Variants in ANGPT1 observed in about 807,000 individuals in gnomAD.
ANGPT1 encodes angiopoietin-1.
A neutral mutation model predicts 62.2 loss-of-function variants in ANGPT1; 17 were observed. The ratio of observed to expected loss-of-function variants is 0.27; its 90% CI spans 0.19 to 0.41. The LOEUF is 0.41. Ranked by LOEUF, ANGPT1 falls within the 10% of genes least tolerant of loss-of-function variation. The probability of loss-of-function intolerance (pLI) is 1.00; values close to 1 mark genes in which losing one functional copy is unlikely to be tolerated. For synonymous variants in ANGPT1, 199 were observed against 198.9 expected, an observed-to-expected ratio of 1.00 and a Z score of 0.00; for missense variants, 478 against 594.9, an observed-to-expected ratio of 0.80 and a Z score of 2.04.
At chr8:107,287,634 C>T (rs1814174508) in intron 6 of ANGPT1, among the ~76,000 whole-genome samples, 1 of 152,104 alleles carries the variant, frequency 6.6e-6, no homozygotes, top group African/African-American at 2.4e-5. Flanking sequence ...ATTGTGTTCC[C>T]ACATTAGTAA....
chr8:107,327,101 C>T (rs1815307627), intron 3 of ANGPT1, among the ~76,000 whole-genome samples: 1 of 152,092 alleles, frequency 6.6e-6, no homozygotes, highest in Admixed American at 6.6e-5. Context: ...GTTTATCTTT[C>T]CCACGTATAA....
At chr8:107,458,198 T>C (rs890500815) in intron 1 of ANGPT1, among the ~76,000 whole-genome samples, 6 of 152,148 alleles carry the variant, frequency 3.9e-5, no homozygotes, top group African/African-American at 1.2e-4. Context: ...CTGGACTTAA[T>C]TGGGCATTTT....
At chr8:107,493,586 TG>T (rs1378768647) in intron 1 of ANGPT1, among the ~76,000 whole-genome samples, 7 of 150,640 alleles carry the variant, frequency 4.6e-5, no homozygotes, top group Non-Finnish European at 8.9e-5. Flanking sequence ...TACAATCTAT[TG>T]AAGAGGTAAG....
intron 1 of ANGPT1, among the ~76,000 whole-genome samples, chr8:107,366,994 G>A (rs1654702): frequency 0.57 from 85,861 of 151,794 alleles, 24,344 homozygotes; most frequent in Admixed American, 0.63. Flanking sequence ...CAACAACAAC[G>A]GGGGAATAGA....
At chr8:107,424,031 G>A (rs1810972354) in intron 1 of ANGPT1, among the ~76,000 whole-genome samples, 1 of 151,430 alleles carries the variant, frequency 6.6e-6, no homozygotes, top group Non-Finnish European at 1.5e-5. Flanking sequence ...AGTAGAGACA[G>A]GGTTTCACCA....
intron 1 of ANGPT1, among the ~76,000 whole-genome samples, chr8:107,394,289 C>T (rs564942252): frequency 3.3e-5 from 5 of 152,278 alleles, no homozygotes; most frequent in South Asian, 4.1e-4. Flanking sequence ...TTAGGGAAAA[C>T]TCTTCTAGTT....
intron 7 of ANGPT1, among the ~76,000 whole-genome samples, chr8:107,269,839 T>C (rs1256062125): frequency 1.4e-5 from 2 of 147,630 alleles, no homozygotes; most frequent in Non-Finnish European, 3.0e-5. Flanking sequence ...AATGAGTCCC[T>C]TCGACGGATG....
chr8:107,475,695 G>T (rs1215663168), intron 1 of ANGPT1, among the ~76,000 whole-genome samples: 1 of 152,104 alleles, frequency 6.6e-6, no homozygotes, highest in East Asian at 1.9e-4. Flanking sequence ...ATCTGACAAA[G>T]GGTTAATATC....
rs375104766 is a variant in ANGPT1 at position 107,455,914 on chromosome 8, T to A, written c.297+41348A>T. 2.6e-4 allele frequency among the ~76,000 whole-genome samples: 40 copies of A among 152,118 alleles called. No individual in the cohort carries two copies. In the South Asian group the frequency reaches 8.3e-3, roughly 32 times the overall value. On this transcript the variant is annotated intron_variant, in intron 1 of 8. Coordinates refer to ENST00000517746, the MANE Select transcript of ANGPT1 (RefSeq NM_001146.5). ...CTCAGAAAGACCCAAAATACACAAC[T>A]TGGGGATTGGAATGAAGCCACAAAA...
intron 7 of ANGPT1, among the ~76,000 whole-genome samples, chr8:107,275,865 A>G (rs1467972900): frequency 1.3e-5 from 2 of 152,156 alleles, no homozygotes; most frequent in African/African-American, 4.8e-5. Context: ...AGTTTCTAGG[A>G]CAGCAGTGGT....
At chr8:107,364,581 C>T (rs1271347823) in intron 1 of ANGPT1, among the ~76,000 whole-genome samples, 3 of 152,016 alleles carry the variant, frequency 2.0e-5, no homozygotes, top group African/African-American at 7.2e-5. Context: ...GTGCCCAGCC[C>T]GATGGTTAAT....
At position 107,389,456 on chromosome 8, in the gene ANGPT1, G is replaced by C. The variant is rs143276270; in HGVS notation, c.298-42359C>G. 7.2e-5 allele frequency among the ~76,000 whole-genome samples: 11 copies of C among 152,198 alleles called. No homozygotes were observed. In the East Asian group the frequency reaches 2.1e-3, roughly 29 times the overall value. On this transcript the variant is annotated intron_variant, in intron 1 of 8. Coordinates refer to ENST00000517746, the MANE Select transcript of ANGPT1 (RefSeq NM_001146.5). ...CGGGAGGAGTAAATTTGGTATGTAA[G>C]GCAATTACACTTCACAATAATGAAT...
At position 107,492,991 on chromosome 8, in the gene ANGPT1, T is replaced by A. The variant is rs17302560; in HGVS notation, c.297+4271A>T. Among the ~76,000 whole-genome samples, 2 of 149,946 alleles carry A rather than the reference T, an allele frequency of 1.3e-5. 1 individual carries two copies. Among genetic ancestry groups the A allele is most frequent in the South Asian group, 4.4e-4 (2 of 4,570 alleles). ...CAAAACATTATTGTACAAAGGAATA[T>A]CTAGCTGACCCTCAAGTAGCCTAGT... On this transcript the variant is annotated intron_variant, in intron 1 of 8. Coordinates refer to ENST00000517746, the MANE Select transcript of ANGPT1 (RefSeq NM_001146.5).
At chr8:107,328,780 C>A (rs1043312537) in intron 3 of ANGPT1, among the ~76,000 whole-genome samples, 3 of 151,766 alleles carry the variant, frequency 2.0e-5, no homozygotes, top group Non-Finnish European at 2.9e-5. Context: ...AGATGGCTAG[C>A]AAAGTTTTGG....
intron 1 of ANGPT1, among the ~76,000 whole-genome samples, chr8:107,373,495 C>T (rs1254771165): frequency 1.3e-5 from 2 of 152,070 alleles, no homozygotes; most frequent in African/African-American, 4.8e-5. Flanking sequence ...GTATATCTGT[C>T]ATGTTGGAAG....
chr8:107,395,925 C>G (rs1333607827), intron 1 of ANGPT1, among the ~76,000 whole-genome samples: 1 of 152,072 alleles, frequency 6.6e-6, no homozygotes, highest in African/African-American at 2.4e-5. Context: ...ATTTTTCCTC[C>G]TCATTCTTTA....
chr8:107,450,901 C>A (rs997979076), intron 1 of ANGPT1, among the ~76,000 whole-genome samples: 62 of 151,856 alleles, frequency 4.1e-4, no homozygotes, highest in African/African-American at 1.5e-3. Flanking sequence ...TCACCCCATG[C>A]AGTTAATATT....
intron 2 of ANGPT1, among the ~76,000 whole-genome samples, chr8:107,339,260 TTGCAACA>T (rs1815643507): frequency 6.6e-6 from 1 of 152,294 alleles, no homozygotes; most frequent in East Asian, 1.9e-4. Flanking sequence ...GCCATCTCCT[TTGCAACA>T]TGCTAATGGC....
chr8:107,457,740 CTT>C (rs1811956045), intron 1 of ANGPT1, among the ~76,000 whole-genome samples: 1 of 151,536 alleles, frequency 6.6e-6, no homozygotes, highest in Non-Finnish European at 1.5e-5. Flanking sequence ...GTTAGTTTCA[CTT>C]TTTGAAGTTT....
Sources: allele counts gnomAD v4.1 joint callset (sites outside exome capture counted in the v4.1 genomes callset), GRCh38; gene constraint gnomAD v4.1.1; transcripts MANE v1.5; gene names NCBI Gene and HGNC (gene_info 2026-07-23, HGNC 2026-07-21).